LIAT1: variants seen among roughly 807,000 people sequenced by gnomAD.
LIAT1 encodes ligand of ATE1, also known as protein LIAT1.
the LIAT1 span, among the ~76,000 whole-genome samples, chr17:412,736 C>T: frequency 5.9e-5 from 9 of 152,262 alleles, no homozygotes; most frequent in South Asian, 2.1e-4. Context: ...TGGGAATGGC[C>T]GTGGTGAGCA....
chr17:414,195 A>G, the LIAT1 span: 12 of 1,478,118 alleles, frequency 8.1e-6, no homozygotes, highest in Non-Finnish European at 1.1e-5. This position sits in a 1 kb window ranked among gnomAD's most constrained non-coding sequence, Gnocchi z 4.1. Context: ...TCATAAAAGG[A>G]AATGAGACCC....
At chr17:412,020 A>G in the LIAT1 span, among the ~76,000 whole-genome samples, 18 of 152,218 alleles carry the variant, frequency 1.2e-4, no homozygotes, top group African/African-American at 4.3e-4. Flanking sequence ...GGAAGATGAT[A>G]AGTACTTCTC....
At chr17:413,046 G>A in the LIAT1 span, 4 of 1,418,486 alleles carry the variant, frequency 2.8e-6, no homozygotes, top group Non-Finnish European at 2.9e-6. Context: ...GGTACGGAGG[G>A]GCCCCCATCC....
chr17:410,538 C>T, the LIAT1 span: 7 of 1,546,020 alleles, frequency 4.5e-6, no homozygotes, highest in South Asian at 5.9e-5. Flanking sequence ...CGCGGGCCCG[C>T]GGGGGTCTAG....
At chr17:412,527 G>C in the LIAT1 span, among the ~76,000 whole-genome samples, 1 of 152,028 alleles carries the variant, frequency 6.6e-6, no homozygotes, top group Non-Finnish European at 1.5e-5. Context: ...ACCACAATTT[G>C]TAGCATTTTA....
At chr17:414,190 A>G in the LIAT1 span, 1 of 1,504,000 alleles carries the variant, frequency 6.6e-7, no homozygotes, top group African/African-American at 1.4e-5. The surrounding 1 kb of genome is among the most constrained non-coding windows in gnomAD (Gnocchi z 4.1). Flanking sequence ...CATCATCATA[A>G]AAGGAAATGA....
the LIAT1 span, chr17:413,294 G>T: frequency 3.7e-6 from 6 of 1,614,166 alleles, no homozygotes; most frequent in Non-Finnish European, 5.1e-6. Flanking sequence ...CTCCTCCACC[G>T]TCAGCCTCCC....
the LIAT1 span, chr17:413,232 C>G: frequency 6.2e-7 from 1 of 1,614,160 alleles, no homozygotes; most frequent in Non-Finnish European, 8.5e-7. Flanking sequence ...GAGCGTGGCC[C>G]GAAACCAGAG....
chr17:410,460 C>T, the LIAT1 span: 232 of 1,540,378 alleles, frequency 1.5e-4, no homozygotes, highest in Non-Finnish European at 1.1e-4. Flanking sequence ...GCTGGACCGC[C>T]GCGGTGGGGC....
chr17:413,465 G>A, the LIAT1 span: 37 of 1,593,818 alleles, frequency 2.3e-5, 1 homozygote, highest in African/African-American at 4.7e-4. Flanking sequence ...CTTCCACCCC[G>A]ACCCCGAGGC....
the LIAT1 span, among the ~76,000 whole-genome samples, chr17:412,172 G>C: frequency 6.6e-6 from 1 of 152,086 alleles, no homozygotes; most frequent in South Asian, 2.1e-4. Flanking sequence ...CGTCTCTACT[G>C]AAAATACAAA....
At chr17:410,582 G>A in the LIAT1 span, 6 of 1,546,338 alleles carry the variant, frequency 3.9e-6, no homozygotes, top group African/African-American at 4.1e-5. Context: ...CCTCCGAGCT[G>A]GCCAAACGGA....
At chr17:414,429 T>C in the LIAT1 span, 2 of 311,898 alleles carry the variant, frequency 6.4e-6, no homozygotes, top group South Asian at 8.6e-5. The surrounding 1 kb of genome is among the most constrained non-coding windows in gnomAD (Gnocchi z 4.1). Flanking sequence ...AGAAAGCGTG[T>C]AGATGATTTA....
chr17:413,054 T>C, the LIAT1 span: 1 of 1,476,298 alleles, frequency 6.8e-7, no homozygotes. Context: ...GGGGCCCCCA[T>C]CCTCCTCTTC....
At chr17:414,110 G>A in the LIAT1 span, 1 of 1,611,068 alleles carries the variant, frequency 6.2e-7, no homozygotes, top group South Asian at 1.1e-5. This position sits in a 1 kb window ranked among gnomAD's most constrained non-coding sequence, Gnocchi z 4.1. Context: ...TACTCTGCTG[G>A]AGTGAAAATC....
the LIAT1 span, chr17:410,587 A>G: frequency 8.4e-6 from 13 of 1,546,272 alleles, no homozygotes; most frequent in Middle Eastern, 1.7e-4. Context: ...GAGCTGGCCA[A>G]ACGGAAGGTG....
chr17:412,037 A>C, the LIAT1 span, among the ~76,000 whole-genome samples: 1 of 152,224 alleles, frequency 6.6e-6, no homozygotes, highest in East Asian at 1.9e-4. Flanking sequence ...TCTCAGGCGT[A>C]ATACAAAGGC....
the LIAT1 span, chr17:413,222 G>T: frequency 1.2e-6 from 2 of 1,614,224 alleles, no homozygotes; most frequent in Non-Finnish European, 1.7e-6. Context: ...TCCTTGCAAA[G>T]AGCGTGGCCC....
chr17:410,385 C>A, the LIAT1 span: 6 of 1,523,602 alleles, frequency 3.9e-6, no homozygotes, highest in South Asian at 1.2e-5. Context: ...CGCTGAGAGT[C>A]GCCGATTAGT....
Sources: allele counts gnomAD v4.1 joint callset (sites outside exome capture counted in the v4.1 genomes callset), GRCh38; gene constraint gnomAD v4.1.1; non-coding constraint Gnocchi (gnomAD v3.1); transcripts MANE v1.5; gene names NCBI Gene and HGNC (gene_info 2026-07-23, HGNC 2026-07-21).